VPS39: variants seen among roughly 807,000 people sequenced by gnomAD.
VPS39 encodes VPS39 subunit of HOPS complex.
Under a neutral mutation model 121.0 loss-of-function variants are expected in VPS39, and 70 were observed. That is an observed-to-expected ratio of 0.58 (90% CI 0.48 to 0.71). The LOEUF is 0.71. VPS39 is among the 30% of genes least tolerant of loss of function. The pLI is 0.00. For synonymous variants in VPS39, 378 were observed against 398.1 expected (o/e 0.95, Z 0.60); for missense variants, 818 against 1,051.5 (o/e 0.78, Z 3.07).
intron 8 of VPS39, among the ~76,000 whole-genome samples, chr15:42,180,398 A>G (rs1454454255): frequency 6.6e-6 from 1 of 152,202 alleles, no homozygotes. Context: ...AACTTTTAAT[A>G]TATCCACTAT....
intron 2 of VPS39, among the ~76,000 whole-genome samples, chr15:42,197,349 T>TAAA (rs1026254130): frequency 1.1e-5 from 1 of 91,352 alleles, no homozygotes; most frequent in South Asian, 3.3e-4. Flanking sequence ...AAAAAAAACC[T>TAAA]AAAAAAAAAA....
At position 42,165,794 on chromosome 15, in the gene VPS39, T is replaced by G. The variant is rs1025087511; in HGVS notation, c.1703A>C (p.Glu568Ala). 3 of 1,614,058 alleles carry G rather than the reference T, an allele frequency of 1.9e-6. No individual in the cohort carries two copies. The highest frequency in any genetic ancestry group is 2.7e-5 in the African/African-American group (2 of 74,916). Residue 568 changes from glutamate to alanine, a missense_variant, in exon 17 of 25, where the codon GAA (glutamate) becomes GCA (alanine). By Grantham distance (107) the Glu-to-Ala change is moderately radical (BLOSUM62 -1). Coordinates refer to ENST00000318006, the MANE Select transcript of VPS39 (RefSeq NM_015289.5). ...GLKIFTEDLP[E>A]VESLPRDRVL... ...TCGATCACGTGGCAGAGACTCCACT[T>G]CCGGGAGATCTTCAGTAAATATCTG...
At chr15:42,198,847 G>A (rs2050002817) in intron 2 of VPS39, among the ~76,000 whole-genome samples, 1 of 152,104 alleles carries the variant, frequency 6.6e-6, no homozygotes, top group Non-Finnish European at 1.5e-5. Flanking sequence ...TTTATTCTTT[G>A]GACCTTTTCA....
chr15:42,166,929 G>C lies in VPS39; in HGVS notation c.1378-16C>G. 1 of 1,613,836 alleles carries C rather than the reference G, an allele frequency of 6.2e-7. No individual in the cohort carries two copies. Among genetic ancestry groups the C allele is most frequent in the Non-Finnish European group, 8.5e-7 (1 of 1,179,928 alleles). On this transcript the variant is annotated splice_polypyrimidine_tract_variant and intron_variant, in intron 13 of 24. Coordinates refer to ENST00000318006, the MANE Select transcript of VPS39 (RefSeq NM_015289.5). ...CCACATTTGTCTGCAGAAAGAGCAG[G>C]AGTTCAGTGGAAACTGCTTCCTGGG...
Position 42,167,314 on chromosome 15 carries a change from A to C in VPS39, c.1377+80T>G. ...CACTCTTACTAATGGCAGGTCCCTCAGGGTCTAGCACTCCCTTTTACTTTC... is the reference window on the plus strand; with the variant it reads ...CACTCTTACTAATGGCAGGTCCCTCCGGGTCTAGCACTCCCTTTTACTTTC... On this transcript the variant is annotated intron_variant, in intron 13 of 24. Coordinates refer to ENST00000318006, the MANE Select transcript of VPS39 (RefSeq NM_015289.5). 46 of 1,522,936 alleles carry C rather than the reference A, an allele frequency of 3.0e-5. No homozygotes were observed. In the Admixed American group the frequency reaches 3.1e-4, roughly 10 times the overall value. The allele number at this position is 1,522,936 out of a possible 1,614,324, so 94.3% of individuals were successfully genotyped here.
intron 4 of VPS39, among the ~76,000 whole-genome samples, chr15:42,189,856 G>A (rs2049790482): frequency 8.1e-6 from 1 of 123,206 alleles, no homozygotes; most frequent in South Asian, 2.7e-4. Flanking sequence ...AGGCTAGAGT[G>A]CATCAACAAA....
In VPS39 at chr15:42,183,628, G is replaced by C. The variant is rs149071288; in HGVS notation, c.718+889C>G. On this transcript the variant is annotated intron_variant, in intron 8 of 24. Coordinates refer to ENST00000318006, the MANE Select transcript of VPS39 (RefSeq NM_015289.5). Reference sequence around the variant, plus strand: ...AGATTGAATGGAAATTTTTCTTCAAGCCAGGTTCCAAACTCCCTGCCTGAC... The same window carrying C: ...AGATTGAATGGAAATTTTTCTTCAACCCAGGTTCCAAACTCCCTGCCTGAC... 6.4e-3 allele frequency among the ~76,000 whole-genome samples: 970 copies of C among 152,226 alleles called. 14 individuals carry two copies. Among genetic ancestry groups the C allele is most frequent in the African/African-American group, 0.022 (928 of 41,516 alleles).
At chr15:42,194,404 G>T (rs2049891839) in intron 2 of VPS39, among the ~76,000 whole-genome samples, 1 of 152,120 alleles carries the variant, frequency 6.6e-6, no homozygotes, top group African/African-American at 2.4e-5. Flanking sequence ...AACCTGGGAG[G>T]GGGAGGTTGC....
intron 4 of VPS39, 60 bp from the exon 5 acceptor site, chr15:42,189,268 A>C: frequency 7.2e-7 from 1 of 1,389,152 alleles, no homozygotes; most frequent in East Asian, 2.3e-5. Flanking sequence ...CATAGCCACT[A>C]TCGAGGCAAA....
chr15:42,187,400 AT>A (rs764738816), intron 6 of VPS39, 37 bp from the exon 7 acceptor site: 2 of 1,554,506 alleles, frequency 1.3e-6, no homozygotes, highest in African/African-American at 1.4e-5. Context: ...TGAAATAAAT[AT>A]TTTTTTAAAA....
chr15:42,173,862 G>C lies in VPS39; in HGVS notation c.961-10C>G. On this transcript the variant is annotated splice_polypyrimidine_tract_variant and intron_variant, in intron 10 of 24. Coordinates refer to ENST00000318006, the MANE Select transcript of VPS39 (RefSeq NM_015289.5). ...AATCATCTTTCATTTCCTAATAACG[G>C]AGCAGAATATGTAAGAGTTCACTCA... 1 of 1,613,790 alleles carries C rather than the reference G, an allele frequency of 6.2e-7. No individual in the cohort carries two copies. The highest frequency in any genetic ancestry group is 1.1e-5 in the South Asian group (1 of 91,032).
intron 17 of VPS39, 103 bp downstream of exon 17, chr15:42,165,615 C>A (rs1208818156): frequency 2.2e-6 from 2 of 900,038 alleles, no homozygotes; most frequent in Non-Finnish European, 3.5e-6. Flanking sequence ...CCTTCCAATC[C>A]CCAAGTGACA....
At chr15:42,178,649 G>C in intron 8 of VPS39, 79 bp from the exon 9 acceptor site, 1 of 1,572,004 alleles carries the variant, frequency 6.4e-7, no homozygotes, top group Middle Eastern at 2.1e-4. Flanking sequence ...CCCATTCTAA[G>C]ATACATTTAA....
intron 1 of VPS39, among the ~76,000 whole-genome samples, chr15:42,201,419 GC>G (rs2140891406): frequency 6.6e-6 from 1 of 152,310 alleles, no homozygotes; most frequent in Admixed American, 6.5e-5. Flanking sequence ...CGCAAGCAAT[GC>G]CCCTTCAGCT....
At chr15:42,201,926 C>T (rs997753152) in intron 1 of VPS39, among the ~76,000 whole-genome samples, 6 of 152,182 alleles carry the variant, frequency 3.9e-5, no homozygotes, top group Admixed American at 6.5e-5. Context: ...AAATGCTAAA[C>T]GCATCTGTTA....
At chr15:42,191,375 G>T in intron 3 of VPS39, 121 bp downstream of exon 3, 1 of 1,124,118 alleles carries the variant, frequency 8.9e-7, no homozygotes, top group Non-Finnish European at 1.3e-6. Context: ...AGACACTCCT[G>T]CATAAATAGA....
intron 19 of VPS39, among the ~76,000 whole-genome samples, chr15:42,164,037 G>A (rs1441372045): frequency 1.3e-5 from 2 of 152,302 alleles, no homozygotes; most frequent in East Asian, 1.9e-4. Flanking sequence ...GCAAATGCTT[G>A]CTCTCAGCTC....
At position 42,178,446 on chromosome 15, in the gene VPS39, T is replaced by C; in HGVS notation, c.839+4A>G. 1 of 1,614,170 alleles carries C rather than the reference T, an allele frequency of 6.2e-7. No homozygotes were observed. The highest frequency in any genetic ancestry group is 8.5e-7 in the Non-Finnish European group (1 of 1,180,016). ...CAGCCATAGCAAAAAAAGAAATTCC[T>C]TACCCTCCTGAGGTAATGAAACGGG... On this transcript the variant is annotated splice_donor_region_variant and intron_variant, in intron 9 of 24. Transcript: ENST00000318006.
At chr15:42,172,243 G>A (rs1030640574) in intron 11 of VPS39, among the ~76,000 whole-genome samples, 5 of 152,184 alleles carry the variant, frequency 3.3e-5, no homozygotes, top group African/African-American at 9.7e-5. Context: ...CTTCCGGAAA[G>A]AGCCAGCTGT....
Sources: gnomAD v4.1 joint callset for allele counts (sites outside exome capture counted in the v4.1 genomes callset) on GRCh38, gnomAD v4.1.1 for gene constraint, MANE v1.5 for transcripts, NCBI Gene and HGNC (gene_info 2026-07-23, HGNC 2026-07-21) for gene names.